The following PID1 variants were observed in gnomAD, a reference collection of about 807,000 sequenced individuals.
PID1 encodes the protein PTB-containing, cubilin and LRP1-interacting protein.
In PID1, 10 loss-of-function variants were observed where a neutral mutation model predicts 19.1. The observed-to-expected ratio is 0.52, with a 90% CI of 0.32 to 0.89. The LOEUF (loss-of-function observed/expected upper bound fraction) is 0.89. PID1 is among the 40% of genes least tolerant of loss of function. The pLI, the probability that PID1 is intolerant of heterozygous loss-of-function variation, is 0.03. For missense variants in PID1, 248 were observed against 285.3 expected (o/e 0.87, Z 0.94); for synonymous variants, 130 against 116.0 (o/e 1.12, Z -0.78).
At chr2:229,162,021 G>A (rs2106201223) in intron 1 of PID1, among the ~76,000 whole-genome samples, 1 of 152,320 alleles carries the variant, frequency 6.6e-6, no homozygotes, top group South Asian at 2.1e-4. Context: ...TAATAGAGGA[G>A]CTTGGAAAAG....
intron 1 of PID1, chr2:229,236,452 G>C (rs1165233678): frequency 6.6e-6 from 1 of 152,108 alleles, no homozygotes; most frequent in African/African-American, 2.4e-5. Flanking sequence ...ACCTTCTTCT[G>C]AGAAGGTCAC....
chr2:229,211,258 T>A (rs1385732014), intron 1 of PID1, among the ~76,000 whole-genome samples: 1 of 152,042 alleles, frequency 6.6e-6, no homozygotes, highest in Non-Finnish European at 1.5e-5. Context: ...ACACCTATTT[T>A]GTGCAGGTTG....
Position 229,155,873 on chromosome 2 carries a change from A to T in PID1, c.122T>A (p.Ile41Asn). Residue 41 changes from isoleucine (I) to asparagine (N), a missense_variant, in exon 2 of 3, where the codon ATT (isoleucine) becomes AAT (asparagine). Ile to Asn is a moderately radical substitution (Grantham distance 149, BLOSUM62 -3). Coordinates refer to ENST00000392055, the MANE Select transcript of PID1 (RefSeq NM_001100818.2). ...PAVIFHEPEA[I>N]ELCTTTPLMK... ...CAGCGGTGTGGTCGTGCACAGCTCA[A>T]TGGCCTCCGGCTCATGGAAGATGAC... is the stretch of plus-strand genomic sequence containing the variant. 6.2e-7 allele frequency: 1 copy of T among 1,613,882 alleles called. No individual in the cohort carries two copies. The highest frequency in any genetic ancestry group is 8.5e-7 in the Non-Finnish European group (1 of 1,179,976).
chr2:229,114,775 T>C (rs1210735134), intron 2 of PID1, among the ~76,000 whole-genome samples: 1 of 152,206 alleles, frequency 6.6e-6, no homozygotes, highest in Non-Finnish European at 1.5e-5. Flanking sequence ...TATATACACT[T>C]GTCTTCTTCC....
intron 1 of PID1, among the ~76,000 whole-genome samples, chr2:229,197,105 A>G (rs1434598791): frequency 6.6e-6 from 1 of 152,062 alleles, no homozygotes; most frequent in East Asian, 1.9e-4. Context: ...CTATCAAAAT[A>G]GTCAACAAAA....
At chr2:229,143,764 T>A (rs1237934107) in intron 2 of PID1, among the ~76,000 whole-genome samples, 13 of 152,100 alleles carry the variant, frequency 8.5e-5, no homozygotes, top group Non-Finnish European at 2.9e-5. Flanking sequence ...CAAGACCTGA[T>A]GGTTTATAAG....
At chr2:229,177,020 T>C (rs370295618) in intron 1 of PID1, among the ~76,000 whole-genome samples, 20 of 152,336 alleles carry the variant, frequency 1.3e-4, no homozygotes, top group Middle Eastern at 3.4e-3. Flanking sequence ...CTCACAATCA[T>C]GGCAGAATGT....
At chr2:229,194,514 G>T (rs764644643) in intron 1 of PID1, among the ~76,000 whole-genome samples, 4 of 151,734 alleles carry the variant, frequency 2.6e-5, no homozygotes, top group Non-Finnish European at 4.4e-5. Flanking sequence ...TTTAAATTAA[G>T]GAGAATGTAA....
At chr2:229,052,644 A>G (rs749900661) in intron 2 of PID1, among the ~76,000 whole-genome samples, 10 of 152,038 alleles carry the variant, frequency 6.6e-5, no homozygotes, top group African/African-American at 2.4e-4. Context: ...GCCCTCATAC[A>G]TGAAATAAAT....
rs370273215 is a variant in PID1, at chr2:229,206,159, C to T, written c.31-50195G>A. On this transcript the variant is annotated intron_variant, in intron 1 of 2. Transcript: ENST00000392055. ...ACTTGCCAAGGTAATTTTTGTTGCTCGGATTCATCTGAAGCCACACTCTGG... is the reference window on the plus strand; with the variant it reads ...ACTTGCCAAGGTAATTTTTGTTGCTTGGATTCATCTGAAGCCACACTCTGG... Among the ~76,000 whole-genome samples, 309 of 151,732 alleles carry T rather than the reference C, an allele frequency of 2.0e-3. 4 individuals carry two copies. In the South Asian group the frequency reaches 0.029, roughly 14 times the overall value.
intron 2 of PID1, among the ~76,000 whole-genome samples, chr2:229,097,974 C>A (rs1695003078): frequency 6.6e-6 from 1 of 152,144 alleles, no homozygotes; most frequent in African/African-American, 2.4e-5. Flanking sequence ...TCTTGTTACA[C>A]TTCTAGAATT....
chr2:229,037,785 G>A (rs1559204451), intron 2 of PID1, among the ~76,000 whole-genome samples: 1 of 152,104 alleles, frequency 6.6e-6, no homozygotes, highest in East Asian at 1.9e-4. Flanking sequence ...CTGCTTTCTA[G>A]TCAGAAGAGT....
At chr2:229,160,274 C>T (rs1690465483) in intron 1 of PID1, among the ~76,000 whole-genome samples, 1 of 152,074 alleles carries the variant, frequency 6.6e-6, no homozygotes, top group African/African-American at 2.4e-5. Flanking sequence ...ACTAAGCAAA[C>T]AGAGACTGAA....
intron 2 of PID1, among the ~76,000 whole-genome samples, chr2:229,064,303 G>C (rs555644988): frequency 6.6e-6 from 1 of 152,084 alleles, no homozygotes; most frequent in Non-Finnish European, 1.5e-5. Flanking sequence ...AAGTAAAATT[G>C]AGCTGGTTCA....
chr2:229,068,052 G>T (rs1334114290), intron 2 of PID1, among the ~76,000 whole-genome samples: 1 of 152,206 alleles, frequency 6.6e-6, no homozygotes, highest in East Asian at 1.9e-4. Context: ...TCTATGGACA[G>T]TCTCTGTCTA....
chr2:229,163,622 G>GGGGAGAGAGACAGAGGGAGA (rs1278747737), intron 1 of PID1, among the ~76,000 whole-genome samples: 1 of 145,740 alleles, frequency 6.9e-6, no homozygotes, highest in Non-Finnish European at 1.5e-5. Flanking sequence ...CTTACTCAGT[G>GGGGAGAGAGACAGAGGGAGA]GGGAGAGAGA....
At chr2:229,129,291 G>A (rs1689662792) in intron 2 of PID1, among the ~76,000 whole-genome samples, 1 of 151,998 alleles carries the variant, frequency 6.6e-6, no homozygotes, top group African/African-American at 2.4e-5. Flanking sequence ...GCGGGCGCCT[G>A]TAGTCCCAGC....
intron 1 of PID1, among the ~76,000 whole-genome samples, chr2:229,208,291 C>T (rs1559285645): frequency 6.6e-6 from 1 of 152,198 alleles, no homozygotes; most frequent in Non-Finnish European, 1.5e-5. Context: ...TATGAACAGC[C>T]TTCTCAATCA....
At chr2:229,045,102 C>T (rs1046387592) in intron 2 of PID1, among the ~76,000 whole-genome samples, 9 of 152,004 alleles carry the variant, frequency 5.9e-5, no homozygotes, top group Non-Finnish European at 8.8e-5. Context: ...TACAGGCACC[C>T]ACCACCACAC....
Sources: gnomAD v4.1 joint callset for allele counts (sites outside exome capture counted in the v4.1 genomes callset) on GRCh38, gnomAD v4.1.1 for gene constraint, MANE v1.5 for transcripts, NCBI Gene and HGNC (gene_info 2026-07-23, HGNC 2026-07-21) for gene names.